The following BAZ2B variants were observed in gnomAD, a reference collection of about 807,000 sequenced individuals.
BAZ2B encodes the protein bromodomain adjacent to zinc finger domain protein 2B.
In BAZ2B, 91 loss-of-function variants were observed where a neutral mutation model predicts 246.0. The ratio of observed to expected loss-of-function variants is 0.37; its 90% CI spans 0.31 to 0.44. BAZ2B has a LOEUF of 0.44. Ranked by LOEUF, BAZ2B falls within the 20% of genes least tolerant of loss-of-function variation. The pLI is 1.00. For missense variants in BAZ2B, 2,332 were observed against 2,533.7 expected, an observed-to-expected ratio of 0.92 and a Z score of 1.71; for synonymous variants, 855 against 860.0, an observed-to-expected ratio of 0.99 and a Z score of 0.10.
At chr2:159,501,736 G>A (rs1403118330) in intron 2 of BAZ2B, among the ~76,000 whole-genome samples, 1 of 152,130 alleles carries the variant, frequency 6.6e-6, no homozygotes, top group Non-Finnish European at 1.5e-5. Context: ...GAAAAGTTAA[G>A]AATATCTGAG....
At chr2:159,460,462 G>C (rs1049557772) in intron 3 of BAZ2B, 1 of 152,060 alleles carries the variant, frequency 6.6e-6, no homozygotes, top group Non-Finnish European at 1.5e-5. Flanking sequence ...TGTGCTAAAA[G>C]TGTCTTTTAA....
chr2:159,347,621 A>G lies in BAZ2B; in HGVS notation c.5319T>C (p.Asn1773=). 6.2e-7 allele frequency: 1 copy of G among 1,610,812 alleles called. No homozygotes were observed. Among genetic ancestry groups the G allele is most frequent in the Non-Finnish European group, 8.5e-7 (1 of 1,177,962 alleles). The change falls in exon 31 of 37, where the codon AAT becomes AAC. Residue 1773 remains asparagine, a synonymous_variant. Coordinates refer to ENST00000392783, the MANE Select transcript of BAZ2B (RefSeq NM_013450.4). ...KDVAIIELNE[N]EENQVTRDIV... ...TATCTCGAGTTACTTGGTTTTCTTCATTTTCATTCAGTTCAATAATAGCAA... is the reference window on the plus strand; with the variant it reads ...TATCTCGAGTTACTTGGTTTTCTTCGTTTTCATTCAGTTCAATAATAGCAA...
chr2:159,572,052 A>T (rs1684152801), intron 1 of BAZ2B, among the ~76,000 whole-genome samples: 1 of 152,044 alleles, frequency 6.6e-6, no homozygotes, highest in Non-Finnish European at 1.5e-5. Context: ...ATGTAATTAA[A>T]CCCCCATAAA....
chr2:159,462,880 T>C (rs6722912), intron 3 of BAZ2B: 89,750 of 1,600,496 alleles, frequency 0.056, 3,375 homozygotes, highest in African/African-American at 0.14. Context: ...CTTAAAGCAC[T>C]GTCACAGGAT....
In BAZ2B at chr2:159,385,368, G is replaced by T. The variant is rs368720719; in HGVS notation, c.3473C>A (p.Ala1158Asp). Reference protein sequence around the residue: ...CDPGLITGYKAKTALGEHLLN... With the variant: ...CDPGLITGYKDKTALGEHLLN... ...CAAATGTTCTCCAAGAGCTGTTTTA[G>T]CCTATAAAAGTTTGGCATTTTTATC... The change falls in exon 23 of 37, where the codon GCT (alanine) becomes GAT (aspartate). Residue 1158 changes from alanine (A) to aspartate (D), a missense_variant and splice_region_variant. Physicochemically the swap from Ala to Asp is moderately radical, Grantham distance 126. Coordinates refer to ENST00000392783, the MANE Select transcript of BAZ2B (RefSeq NM_013450.4). 11 of 1,610,712 alleles carry T rather than the reference G, an allele frequency of 6.8e-6. No individual in the cohort carries two copies. The African/African-American group carries it at 1.5e-4, about 22-fold the overall frequency.
intron 1 of BAZ2B, among the ~76,000 whole-genome samples, chr2:159,583,098 TTC>T (rs1687208382): frequency 7.1e-6 from 1 of 141,058 alleles, no homozygotes; most frequent in Non-Finnish European, 1.6e-5. Context: ...ATGAAATATA[TTC>T]TTTTTTCTTT....
chr2:159,654,808 A>G, the BAZ2B span, among the ~76,000 whole-genome samples: 2 of 152,030 alleles, frequency 1.3e-5, no homozygotes, highest in Non-Finnish European at 2.9e-5. Flanking sequence ...CCACAAAAAA[A>G]TACAAAAATT....
chr2:159,574,723 C>T (rs1425285615), intron 1 of BAZ2B, among the ~76,000 whole-genome samples: 2 of 152,082 alleles, frequency 1.3e-5, no homozygotes, highest in African/African-American at 2.4e-5. Flanking sequence ...CGGTGGCTCA[C>T]GCCTGTAATC....
the BAZ2B span, among the ~76,000 whole-genome samples, chr2:159,646,124 A>G: frequency 1.3e-5 from 2 of 152,152 alleles, no homozygotes; most frequent in Admixed American, 6.5e-5. Context: ...TCATCCCTAC[A>G]GTTTTGACCA....
In BAZ2B at chr2:159,528,526, T is replaced by C. The variant is rs185595352; in HGVS notation, c.-3+27297A>G. On this transcript the variant is annotated intron_variant, in intron 2 of 36. Transcript: ENST00000392783. ...GGTGAAACCCCATTTCTACTAAAAA[T>C]AGAAAAATTAGCCAGGTGTGGTGGT... is the stretch of plus-strand genomic sequence containing the variant. Among the ~76,000 whole-genome samples the C allele has an allele frequency of 3.3e-5, 5 of 151,734 alleles. No individual in the cohort carries two copies. In the East Asian group the frequency reaches 7.8e-4, roughly 24 times the overall value.
At chr2:159,403,964 T>C (rs1436938233) in intron 16 of BAZ2B, among the ~76,000 whole-genome samples, 1 of 152,168 alleles carries the variant, frequency 6.6e-6, no homozygotes, top group African/African-American at 2.4e-5. Context: ...ATCCCAACTC[T>C]ATATCAACTT....
chr2:159,675,750 CT>C, the BAZ2B span, among the ~76,000 whole-genome samples: 49 of 151,400 alleles, frequency 3.2e-4, no homozygotes, highest in African/African-American at 8.7e-4. Flanking sequence ...ACCTTTGTTT[CT>C]TTTTTTTTGA....
At chr2:159,491,621 T>TG (rs2080479731) in intron 2 of BAZ2B, among the ~76,000 whole-genome samples, 1 of 141,582 alleles carries the variant, frequency 7.1e-6, no homozygotes. Flanking sequence ...CTTGGGAGGC[T>TG]GAGGCAGGAG....
chr2:159,668,218 T>G, the BAZ2B span, among the ~76,000 whole-genome samples: 21 of 152,318 alleles, frequency 1.4e-4, no homozygotes, highest in African/African-American at 5.1e-4. Flanking sequence ...TCTTTAACAT[T>G]GTTAATTCAT....
At chr2:159,651,980 T>A in the BAZ2B span, among the ~76,000 whole-genome samples, 1 of 152,220 alleles carries the variant, frequency 6.6e-6, no homozygotes, top group Non-Finnish European at 1.5e-5. Context: ...TTTTGAGCTA[T>A]TATGAATAAT....
intron 3 of BAZ2B, among the ~76,000 whole-genome samples, chr2:159,470,577 G>C (rs938222877): frequency 6.6e-6 from 1 of 152,246 alleles, no homozygotes; most frequent in African/African-American, 2.4e-5. Flanking sequence ...CAGTTAGAAA[G>C]AACTGCAATG....
At chr2:159,506,082 C>A (rs890740448) in intron 2 of BAZ2B, among the ~76,000 whole-genome samples, 4 of 152,064 alleles carry the variant, frequency 2.6e-5, no homozygotes, top group African/African-American at 7.2e-5. Flanking sequence ...CTGCCCCTCC[C>A]AAAAATCTCT....
intron 13 of BAZ2B, among the ~76,000 whole-genome samples, chr2:159,421,959 G>C (rs545741524): frequency 1.3e-5 from 2 of 152,028 alleles, no homozygotes; most frequent in Non-Finnish European, 2.9e-5. Flanking sequence ...TCCAAGCTGA[G>C]AGCCAAATCA....
At chr2:159,461,214 G>A (rs2076368507) in intron 3 of BAZ2B, 1 of 152,160 alleles carries the variant, frequency 6.6e-6, no homozygotes, top group South Asian at 2.1e-4. Context: ...TTAAGGCCTG[G>A]TCATAGAACT....
Sources: gnomAD v4.1 joint callset for allele counts (sites outside exome capture counted in the v4.1 genomes callset) on GRCh38, gnomAD v4.1.1 for gene constraint, MANE v1.5 for transcripts, NCBI Gene and HGNC (gene_info 2026-07-23, HGNC 2026-07-21) for gene names.